Variants in L3MBTL4 observed in about 807,000 individuals in gnomAD.
L3MBTL4 encodes L3MBTL histone methyl-lysine binding protein 4, also known as lethal(3)malignant brain tumor-like protein 4.
In L3MBTL4, 70 loss-of-function variants were observed where a neutral mutation model predicts 84.5. The observed-to-expected ratio is 0.83, with a 90% CI of 0.68 to 1.01. The LOEUF is 1.01. Among genes scored for constraint, L3MBTL4 ranks in the 50% least tolerant of loss-of-function variants. The pLI, the probability that L3MBTL4 is intolerant of heterozygous loss-of-function variation, is 0.00. For synonymous variants in L3MBTL4, 274 were observed against 259.8 expected (o/e 1.05, Z -0.52); for missense variants, 715 against 754.8 (o/e 0.95, Z 0.62).
At chr18:6,061,216 G>T (rs2057208610) in intron 16 of L3MBTL4, among the ~76,000 whole-genome samples, 1 of 151,958 alleles carries the variant, frequency 6.6e-6, no homozygotes, top group East Asian at 1.9e-4. Context: ...TTTTGTAGTG[G>T]TATCTCATTT....
chr18:6,247,505 G>T (rs1469228418), intron 5 of L3MBTL4, among the ~76,000 whole-genome samples: 2 of 110,012 alleles, frequency 1.8e-5, no homozygotes, highest in Non-Finnish European at 3.3e-5. Flanking sequence ...TTTAGATGGA[G>T]TCTCGCTGTG....
intron 10 of L3MBTL4, among the ~76,000 whole-genome samples, chr18:6,231,659 T>G (rs1462776281): frequency 6.6e-6 from 1 of 152,178 alleles, no homozygotes; most frequent in Admixed American, 6.6e-5. Flanking sequence ...TTATTTCTGA[T>G]GCTACTGCAA....
chr18:5,964,520 T>C (rs149019875), intron 17 of L3MBTL4, among the ~76,000 whole-genome samples: 67 of 152,194 alleles, frequency 4.4e-4, no homozygotes, highest in African/African-American at 1.1e-3. Flanking sequence ...CTTTTTTTTT[T>C]CTAAGGGCCC....
intron 16 of L3MBTL4, among the ~76,000 whole-genome samples, chr18:6,078,410 G>C (rs1425045302): frequency 9.2e-6 from 1 of 108,944 alleles, no homozygotes; most frequent in African/African-American, 3.8e-5. Flanking sequence ...CTGGGCAACA[G>C]AGGGAGAGTC....
chr18:6,013,597 G>A (rs540100657), intron 16 of L3MBTL4, among the ~76,000 whole-genome samples: 21 of 152,220 alleles, frequency 1.4e-4, no homozygotes, highest in African/African-American at 4.3e-4. Flanking sequence ...GTTCCTTAGC[G>A]CGTCCTCGGC....
intron 1 of L3MBTL4, among the ~76,000 whole-genome samples, chr18:6,372,678 C>G (rs2054203603): frequency 6.6e-6 from 1 of 152,192 alleles, no homozygotes; most frequent in African/African-American, 2.4e-5. Context: ...TTTCACTCTC[C>G]AAAGTGTCCT....
intron 16 of L3MBTL4, among the ~76,000 whole-genome samples, chr18:6,041,333 G>A (rs2056389440): frequency 1.3e-5 from 2 of 152,152 alleles, no homozygotes; most frequent in Admixed American, 6.5e-5. Context: ...CTGCCATCTC[G>A]TCTTCACCAA....
intron 16 of L3MBTL4, among the ~76,000 whole-genome samples, chr18:6,067,976 C>T (rs1430914373): frequency 6.6e-6 from 1 of 151,954 alleles, no homozygotes; most frequent in East Asian, 1.9e-4. Flanking sequence ...TCTTTAATTT[C>T]TTCTTTTCCC....
chr18:6,108,602 A>G (rs2059088570), intron 14 of L3MBTL4, among the ~76,000 whole-genome samples: 1 of 152,128 alleles, frequency 6.6e-6, no homozygotes, highest in Admixed American at 6.5e-5. Context: ...GAGTCCATCC[A>G]TTAAAAAAAA....
chr18:6,120,747 C>T (rs2059496871), intron 14 of L3MBTL4, among the ~76,000 whole-genome samples: 1 of 152,100 alleles, frequency 6.6e-6, no homozygotes, highest in Admixed American at 6.5e-5. Flanking sequence ...TGGTGTTTGG[C>T]TTCTTTCAAT....
At chr18:5,988,445 T>C (rs144977560) in intron 16 of L3MBTL4, among the ~76,000 whole-genome samples, 1,533 of 152,324 alleles carry the variant, frequency 0.01, 12 homozygotes, top group Non-Finnish European at 0.015. Context: ...GTAAATTATA[T>C]TTAGCTTAAG....
At chr18:6,212,739 A>T (rs1226911330) in intron 12 of L3MBTL4, among the ~76,000 whole-genome samples, 1 of 152,260 alleles carries the variant, frequency 6.6e-6, no homozygotes, top group Admixed American at 6.5e-5. Context: ...AGTAAAAGTC[A>T]AAACAGCAAA....
chr18:5,977,163 C>T (rs1443109808), intron 16 of L3MBTL4, among the ~76,000 whole-genome samples: 1 of 152,214 alleles, frequency 6.6e-6, no homozygotes, highest in African/African-American at 2.4e-5. Context: ...AGCCCCACTG[C>T]CTGCTCCACA....
chr18:6,335,408 GATAAAA>G (rs2052281754), intron 1 of L3MBTL4, among the ~76,000 whole-genome samples: 1 of 152,026 alleles, frequency 6.6e-6, no homozygotes, highest in African/African-American at 2.4e-5. Flanking sequence ...CTCTTTTAGA[GATAAAA>G]ATAATATGCT....
chr18:6,134,930 T>A (rs2059987274), intron 14 of L3MBTL4, among the ~76,000 whole-genome samples: 1 of 152,160 alleles, frequency 6.6e-6, no homozygotes, highest in African/African-American at 2.4e-5. Flanking sequence ...TGACCCCACA[T>A]TTCCCTTCCA....
chr18:6,396,755 A>C (rs2055289607), intron 1 of L3MBTL4: 1 of 152,224 alleles, frequency 6.6e-6, no homozygotes, highest in Non-Finnish European at 1.5e-5. Flanking sequence ...AACAACTGAC[A>C]ATCACTTTCT....
intron 5 of L3MBTL4, among the ~76,000 whole-genome samples, chr18:6,252,019 A>G (rs1284170628): frequency 6.6e-6 from 1 of 152,254 alleles, no homozygotes; most frequent in African/African-American, 2.4e-5. Flanking sequence ...CTGCTCAAAA[A>G]AAGCAAGACA....
At chr18:6,302,492 G>GACGGTGCAGCCCCACCCC (rs2050385872) in intron 3 of L3MBTL4, among the ~76,000 whole-genome samples, 1 of 152,232 alleles carries the variant, frequency 6.6e-6, no homozygotes, top group African/African-American at 2.4e-5. Context: ...CAGCAAGCAA[G>GACGGTGCAGCCCCACCCC]ATGGTGCAGC....
intron 12 of L3MBTL4, among the ~76,000 whole-genome samples, chr18:6,181,934 T>C (rs1490768013): frequency 6.6e-6 from 1 of 152,192 alleles, no homozygotes; most frequent in Non-Finnish European, 1.5e-5. Context: ...GGGTTGATTC[T>C]GTGTCTTTGC....
Sources: allele counts gnomAD v4.1 joint callset (sites outside exome capture counted in the v4.1 genomes callset), GRCh38; gene constraint gnomAD v4.1.1; transcripts MANE v1.5; gene names NCBI Gene and HGNC (gene_info 2026-07-23, HGNC 2026-07-21).